ZBTB49: variants seen among roughly 807,000 people sequenced by gnomAD.
ZBTB49 encodes the protein zinc finger and BTB domain-containing protein 49.
ZBTB49 carries 43 observed loss-of-function variants against 57.5 expected under a neutral mutation model. That is an observed-to-expected ratio of 0.75 (90% CI 0.59 to 0.97). ZBTB49 has a LOEUF of 0.97. Among genes scored for constraint, ZBTB49 ranks in the 50% least tolerant of loss-of-function variants. ZBTB49 has a pLI of 0.00. For synonymous variants in ZBTB49, 369 were observed against 362.1 expected (o/e 1.02, Z -0.22); for missense variants, 938 against 947.7 (o/e 0.99, Z 0.13).
chr4:4,292,710 C>T (rs1254322915), intron 1 of ZBTB49, among the ~76,000 whole-genome samples: 1 of 152,148 alleles, frequency 6.6e-6, no homozygotes. Flanking sequence ...TCCTTAGGAG[C>T]CCTCTGAGGT....
chr4:4,291,078 G>A (rs1233365266), intron 1 of ZBTB49, among the ~76,000 whole-genome samples: 2 of 152,202 alleles, frequency 1.3e-5, no homozygotes, highest in African/African-American at 4.8e-5. Flanking sequence ...TCACTCCCAA[G>A]GTGTGTGTAT....
At chr4:4,293,231 T>G (rs961329381) in intron 1 of ZBTB49, among the ~76,000 whole-genome samples, 8 of 152,088 alleles carry the variant, frequency 5.3e-5, no homozygotes, top group Non-Finnish European at 8.8e-5. Flanking sequence ...CACAGAAAAT[T>G]TTTACTGCTT....
In ZBTB49 at chr4:4,302,669, C is replaced by T. The variant is rs774558213; in HGVS notation, c.833C>T (p.Ala278Val). 6.2e-7 allele frequency: 1 copy of T among 1,610,336 alleles called. No individual in the cohort carries two copies. Among genetic ancestry groups the T allele is most frequent in the Non-Finnish European group, 8.5e-7 (1 of 1,177,836 alleles). Residue 278 changes from alanine to valine, a missense_variant, in exon 3 of 8, where the codon GCC (alanine) becomes GTC (valine). This residue lies in a region of ZBTB49 where 835 missense variants were observed against 819.1 expected (regional missense o/e 1.02). Transcript: ENST00000337872. Reference sequence around the variant, plus strand: ...GAGCACTTACCTTCCAACTTCCTGGCCCAGCCTGTGAATGACTCTGCCCCA... The same window carrying T: ...GAGCACTTACCTTCCAACTTCCTGGTCCAGCCTGTGAATGACTCTGCCCCA... Reference protein sequence around the residue: ...SPEHLPSNFLAQPVNDSAPHP... With the variant: ...SPEHLPSNFLVQPVNDSAPHP...
intron 4 of ZBTB49, among the ~76,000 whole-genome samples, chr4:4,312,814 C>A (rs1721029685): frequency 1.3e-5 from 2 of 152,210 alleles, no homozygotes; most frequent in Non-Finnish European, 2.9e-5. Context: ...CAAGGGCTCA[C>A]ATGGAGGACG....
chr4:4,317,972 G>A (rs979841621), intron 7 of ZBTB49, among the ~76,000 whole-genome samples: 1 of 152,226 alleles, frequency 6.6e-6, no homozygotes, highest in African/African-American at 2.4e-5. Flanking sequence ...CTCCCCTGCT[G>A]ATTGAGAGCA....
chr4:4,312,227 G>T (rs1209789440), intron 4 of ZBTB49, among the ~76,000 whole-genome samples: 2 of 152,016 alleles, frequency 1.3e-5, no homozygotes, highest in African/African-American at 4.8e-5. Flanking sequence ...GGAAAATAAA[G>T]GTTGAGACTA....
At chr4:4,291,672 GGTT>G (rs1358618956) in intron 1 of ZBTB49, among the ~76,000 whole-genome samples, 1 of 152,190 alleles carries the variant, frequency 6.6e-6, no homozygotes, top group African/African-American at 2.4e-5. Context: ...TTTTGGGTTT[GGTT>G]GTTGTTGTTT....
chr4:4,312,134 G>C (rs1032949563), intron 4 of ZBTB49, among the ~76,000 whole-genome samples: 4 of 151,700 alleles, frequency 2.6e-5, no homozygotes, highest in Non-Finnish European at 1.5e-5. Context: ...TTTACCGCTG[G>C]GTATATTACC....
At chr4:4,306,020 A>G in intron 3 of ZBTB49, 118 bp from the exon 4 acceptor site, 1 of 721,996 alleles carries the variant, frequency 1.4e-6, no homozygotes, top group Middle Eastern at 3.9e-4. Context: ...CTATTTTCAT[A>G]CTGTTAGGAT....
Position 4,321,403 on chromosome 4 carries a change from A to G in ZBTB49, c.*87A>G. 7.3e-7 allele frequency: 1 copy of G among 1,370,606 alleles called. No individual in the cohort carries two copies. The highest frequency in any genetic ancestry group is 1.2e-5 in the South Asian group (1 of 80,238). 84.9% of individuals were successfully genotyped at this position (1,370,606 alleles called of 1,614,324 possible). A position where few individuals can be genotyped will look rare whatever the true frequency, so the allele number is the denominator to read the frequency against. On this transcript the variant is annotated 3_prime_UTR_variant, in exon 8 of 8. Coordinates refer to ENST00000337872, the MANE Select transcript of ZBTB49 (RefSeq NM_145291.4). ...TAGGAGGACCCAGTTTCCCCATGAC[A>G]GTGCCTTCTAACTAGCCAGAGAATA...
chr4:4,315,032 A>G (rs1257909370), intron 5 of ZBTB49, among the ~76,000 whole-genome samples: 3 of 152,342 alleles, frequency 2.0e-5, no homozygotes, highest in African/African-American at 2.4e-5. Flanking sequence ...TGTGGCTCAG[A>G]AAGAGGAGAG....
At chr4:4,303,848 A>G (rs1720623673) in intron 3 of ZBTB49, among the ~76,000 whole-genome samples, 3 of 151,892 alleles carry the variant, frequency 2.0e-5, no homozygotes, top group South Asian at 4.2e-4. Context: ...TTTTCTTCCT[A>G]TAATTAAACA....
At chr4:4,294,598 G>T (rs980236194) in intron 1 of ZBTB49, among the ~76,000 whole-genome samples, 3 of 152,038 alleles carry the variant, frequency 2.0e-5, no homozygotes, top group African/African-American at 7.2e-5. Context: ...TAGGTGATCC[G>T]CCTGCCTCGG....
Position 4,321,327 on chromosome 4 carries a change from T to A in ZBTB49, c.*11T>A, listed in dbSNP as rs1455219908. 6.2e-7 allele frequency: 1 copy of A among 1,604,432 alleles called. No homozygotes were observed. The highest frequency in any genetic ancestry group is 1.7e-5 in the Admixed American group (1 of 59,970). The stretch of plus-strand genomic sequence containing the variant: ...GAGTTAGACCAGTGATGTACCGCGC[T>A]TCTCCACGGTAGAGGCGTGTTCTCA... On this transcript the variant is annotated 3_prime_UTR_variant, in exon 8 of 8. Coordinates refer to ENST00000337872, the MANE Select transcript of ZBTB49 (RefSeq NM_145291.4).
At position 4,300,072 on chromosome 4, in the gene ZBTB49, C is replaced by T. The variant is rs768012441; in HGVS notation, c.127C>T (p.Leu43=). The stretch of plus-strand genomic sequence containing the variant: ...CTGCTTTAAAGCGCATAAGAATGTC[C>T]TGGCAGCATTCAGCCAGTATTTTAG... ...GVCFKAHKNV[L]AAFSQYFRSL... is the part of the protein sequence containing the mutation. The change falls in exon 2 of 8, where the codon CTG becomes TTG. Residue 43 remains leucine, a synonymous_variant. Transcript: ENST00000337872. 7 of 1,614,144 alleles carry T rather than the reference C, an allele frequency of 4.3e-6. No homozygotes were observed. The highest frequency in any genetic ancestry group is 5.9e-6 in the Non-Finnish European group (7 of 1,180,016).
intron 4 of ZBTB49, among the ~76,000 whole-genome samples, chr4:4,306,663 A>C (rs913912331): frequency 6.6e-6 from 1 of 152,226 alleles, no homozygotes; most frequent in Admixed American, 6.5e-5. Flanking sequence ...ACACATAGGC[A>C]TTCAGTCCTT....
chr4:4,306,207 TTAA>T, intron 4 of ZBTB49, 23 bp downstream of exon 4: 3 of 1,601,152 alleles, frequency 1.9e-6, no homozygotes, highest in Non-Finnish European at 2.6e-6. Context: ...TTATTTATTG[TTAA>T]TAATTGGAAA....
Position 4,302,892 on chromosome 4 carries a change from T to A in ZBTB49, c.1056T>A (p.Ser352Arg). The change falls in exon 3 of 8, where the codon AGT becomes AGA. Residue 352 changes from serine to arginine, a missense_variant. Ser to Arg is a moderately radical substitution (Grantham distance 110). This residue lies in a region of ZBTB49 where 835 missense variants were observed against 819.1 expected (regional missense o/e 1.02). Transcript: ENST00000337872. Reference protein sequence around the residue: ...KNTLEKASSQSAEEKESEEVV... With the variant: ...KNTLEKASSQRAEEKESEEVV... Reference sequence around the variant, plus strand: ...CCCTAGAGAAAGCTAGCAGCCAAAGTGCTGAAGAAAAAGAAAGTGAAGAAG... The same window carrying A: ...CCCTAGAGAAAGCTAGCAGCCAAAGAGCTGAAGAAAAAGAAAGTGAAGAAG... 6.2e-7 allele frequency: 1 copy of A among 1,614,110 alleles called. No homozygotes were observed. The highest frequency in any genetic ancestry group is 8.5e-7 in the Non-Finnish European group (1 of 1,179,976).
rs781201486 is a variant in ZBTB49, at chr4:4,315,815, G to A, written c.1466G>A (p.Ser489Asn). 6.2e-7 allele frequency: 1 copy of A among 1,614,190 alleles called. No individual in the cohort carries two copies. Among genetic ancestry groups the A allele is most frequent in the Non-Finnish European group, 8.5e-7 (1 of 1,180,032 alleles). Residue 489 changes from serine (S) to asparagine (N), a missense_variant, in exon 7 of 8, where the codon AGT becomes AAT. This residue lies in a region of ZBTB49 where 835 missense variants were observed against 819.1 expected (regional missense o/e 1.02). Coordinates refer to ENST00000337872, the MANE Select transcript of ZBTB49 (RefSeq NM_145291.4). ...HLCDICGRGF[S>N]NFSNLKEHKK... ...CCTGTTATGGTCTCTCTAGGGTTTA[G>A]TAACTTCAGTAATTTGAAGGAGCAC...
Sources: gnomAD v4.1 joint callset for allele counts (sites outside exome capture counted in the v4.1 genomes callset) on GRCh38, gnomAD v4.1.1 for gene constraint, gnomAD v4.1.1 regional missense constraint, MANE v1.5 for transcripts, NCBI Gene and HGNC (gene_info 2026-07-23, HGNC 2026-07-21) for gene names.